The following VPS13B variants were observed in gnomAD, a reference collection of about 807,000 sequenced individuals.
VPS13B encodes intermembrane lipid transfer protein VPS13B.
A neutral mutation model predicts 426.4 loss-of-function variants in VPS13B; 285 were observed. The observed-to-expected ratio is 0.67, with a 90% CI of 0.61 to 0.74. VPS13B has a LOEUF of 0.74. VPS13B is among the 30% of genes least tolerant of loss of function. VPS13B has a pLI of 0.00. For missense variants in VPS13B, 4,537 were observed against 4,782.6 expected (o/e 0.95, Z 1.51); for synonymous variants, 1,676 against 1,676.4 (o/e 1.00, Z 0.01).
chr8:99,526,311 A>G (rs570814145), intron 30 of VPS13B, among the ~76,000 whole-genome samples: 1 of 152,326 alleles, frequency 6.6e-6, no homozygotes, highest in South Asian at 2.1e-4. Context: ...CTTATTGAGT[A>G]GTTGATTTTG....
chr8:99,514,640 T>C (rs1821963616), intron 29 of VPS13B, among the ~76,000 whole-genome samples: 1 of 152,210 alleles, frequency 6.6e-6, no homozygotes, highest in Non-Finnish European at 1.5e-5. Context: ...CTGAATAATA[T>C]TGTTTTGTAT....
In VPS13B at chr8:99,575,727, T is replaced by C; in HGVS notation, c.5019T>C (p.Thr1673=). The part of the protein sequence containing the change: ...PVLTDFSVRI[T]GAPAVIFTKV... ...TGACAGATTTTTCTGTCCGAATAACTGGAGCACCTGCTGTCATTTTCACCA... is the reference window on the plus strand; with the variant it reads ...TGACAGATTTTTCTGTCCGAATAACCGGAGCACCTGCTGTCATTTTCACCA... Residue 1673 remains threonine, a synonymous_variant, in exon 32 of 62, where the codon ACT becomes ACC. Coordinates refer to ENST00000357162, the MANE Select transcript of VPS13B (RefSeq NM_152564.5). 6.2e-7 allele frequency: 1 copy of C among 1,613,918 alleles called. No homozygotes were observed. Among genetic ancestry groups the C allele is most frequent in the Non-Finnish European group, 8.5e-7 (1 of 1,179,900 alleles).
intron 2 of VPS13B, among the ~76,000 whole-genome samples, chr8:99,028,324 G>T (rs1842250015): frequency 6.6e-6 from 1 of 151,062 alleles, no homozygotes; most frequent in Non-Finnish European, 1.5e-5. Flanking sequence ...CGGACGGGGC[G>T]GCTGGCCGGG....
At chr8:99,256,735 G>T (rs191444860) in intron 17 of VPS13B, among the ~76,000 whole-genome samples, 4 of 152,004 alleles carry the variant, frequency 2.6e-5, no homozygotes, top group Admixed American at 2.6e-4. Flanking sequence ...TTTTGAAGTG[G>T]GTTTTTTTGT....
chr8:99,621,233 C>T (rs1828335471), intron 33 of VPS13B, among the ~76,000 whole-genome samples: 1 of 152,100 alleles, frequency 6.6e-6, no homozygotes, highest in African/African-American at 2.4e-5. Flanking sequence ...CAGCAAAATC[C>T]CCCAGTCTCT....
intron 40 of VPS13B, among the ~76,000 whole-genome samples, chr8:99,767,191 T>C (rs1275243950): frequency 6.6e-6 from 1 of 151,884 alleles, no homozygotes; most frequent in East Asian, 1.9e-4. Context: ...CTGTGAGCCC[T>C]CACTAAGAAC....
At chr8:99,408,652 C>T (rs374281283) in intron 21 of VPS13B, among the ~76,000 whole-genome samples, 4 of 152,044 alleles carry the variant, frequency 2.6e-5, no homozygotes, top group East Asian at 1.9e-4. Flanking sequence ...TAGTCTGGAG[C>T]TTACAGGATA....
At chr8:99,600,934 G>C (rs1263672595) in intron 33 of VPS13B, among the ~76,000 whole-genome samples, 1 of 151,978 alleles carries the variant, frequency 6.6e-6, no homozygotes, top group Non-Finnish European at 1.5e-5. Flanking sequence ...AAAAATGTTA[G>C]ACTGGACTAT....
At chr8:99,698,926 A>G (rs913362384) in intron 35 of VPS13B, among the ~76,000 whole-genome samples, 1 of 152,192 alleles carries the variant, frequency 6.6e-6, no homozygotes, top group Non-Finnish European at 1.5e-5. Flanking sequence ...CAGTCTACCA[A>G]TGTTACATTG....
intron 30 of VPS13B, among the ~76,000 whole-genome samples, chr8:99,527,516 A>G (rs1425180232): frequency 6.6e-6 from 1 of 151,976 alleles, no homozygotes; most frequent in Non-Finnish European, 1.5e-5. Context: ...CTTTAAACTC[A>G]ATCTGAGATT....
chr8:99,254,262 A>C (rs1475998141), intron 17 of VPS13B, among the ~76,000 whole-genome samples: 3 of 151,878 alleles, frequency 2.0e-5, no homozygotes, highest in Non-Finnish European at 4.4e-5. Flanking sequence ...GTTTCCCTTC[A>C]TCTGAGAGTG....
chr8:99,859,441 T>C lies in VPS13B; in HGVS notation c.11005T>C (p.Ser3669Pro), dbSNP rs1816715380. ...CCCTGGAGCCTTCGTGAGTGGCGTC[T>C]CCAGAGGGACCACATCGTTTGTAAA... ...RGPGAFVSGV[S>P]RGTTSFVKHI... The change falls in exon 57 of 62, where the codon TCC (serine) becomes CCC (proline). Residue 3669 changes from serine (S) to proline (P), a missense_variant. Physicochemically the swap from Ser to Pro is moderately conservative, Grantham distance 74 (BLOSUM62 -1). Around this residue, in one of 2 missense-constraint regions of VPS13B, gnomAD observed 4,311 missense variants for 4,474.3 expected, o/e 0.96. Transcript: ENST00000357162. The C allele has an allele frequency of 6.2e-7, 1 of 1,613,796 alleles. No homozygotes were observed. Among genetic ancestry groups the C allele is most frequent in the Non-Finnish European group, 8.5e-7 (1 of 1,180,000 alleles).
intron 30 of VPS13B, among the ~76,000 whole-genome samples, chr8:99,554,771 G>C (rs1332415046): frequency 6.6e-6 from 1 of 151,992 alleles, no homozygotes; most frequent in Non-Finnish European, 1.5e-5. Flanking sequence ...AATGAAACTA[G>C]AACATTCTTC....
intron 39 of VPS13B, 76 bp from the exon 40 acceptor site, chr8:99,766,698 G>C: frequency 7.8e-7 from 1 of 1,287,340 alleles, no homozygotes; most frequent in East Asian, 2.5e-5. Context: ...TTTTATAAAG[G>C]TTTAATTTGA....
chr8:99,166,003 C>A (rs1811981217), intron 15 of VPS13B, among the ~76,000 whole-genome samples: 1 of 152,014 alleles, frequency 6.6e-6, no homozygotes, highest in South Asian at 2.1e-4. Context: ...TTTTTGAGAT[C>A]TAGTTTTGCA....
At chr8:99,799,112 A>C (rs1322316163) in intron 43 of VPS13B, 1 of 152,234 alleles carries the variant, frequency 6.6e-6, no homozygotes, top group Admixed American at 6.5e-5. Flanking sequence ...AGAATATTGA[A>C]GAGCTTGTTA....
At chr8:99,089,276 T>C (rs1402656067) in intron 3 of VPS13B, among the ~76,000 whole-genome samples, 2 of 152,240 alleles carry the variant, frequency 1.3e-5, no homozygotes, top group East Asian at 3.9e-4. Flanking sequence ...GTTACAATGT[T>C]TTTTCTGTTT....
chr8:99,158,049 A>C (rs1004759542), intron 15 of VPS13B, among the ~76,000 whole-genome samples: 21 of 152,350 alleles, frequency 1.4e-4, no homozygotes, highest in African/African-American at 4.8e-4. Flanking sequence ...TCTCCATAAC[A>C]TAAAAGTGCA....
At chr8:99,641,683 A>T (rs1829368704) in intron 33 of VPS13B, 128 bp from the exon 34 acceptor site, 2 of 874,532 alleles carry the variant, frequency 2.3e-6, no homozygotes, top group Non-Finnish European at 3.3e-6. Context: ...TATTTTTCTG[A>T]TTACTGTTTT....
Sources: allele counts gnomAD v4.1 joint callset (sites outside exome capture counted in the v4.1 genomes callset), GRCh38; gene constraint gnomAD v4.1.1; regional missense constraint gnomAD v4.1.1; transcripts MANE v1.5; gene names NCBI Gene and HGNC (gene_info 2026-07-23, HGNC 2026-07-21).